NEK5: variants seen among roughly 807,000 people sequenced by gnomAD.
NEK5 encodes serine/threonine-protein kinase Nek5.
NEK5 carries 88 observed loss-of-function variants against 109.2 expected under a neutral mutation model. That is an observed-to-expected ratio of 0.81 (90% CI 0.68 to 0.96). NEK5 has a LOEUF of 0.96. Ranked by LOEUF, NEK5 falls within the 40% of genes least tolerant of loss-of-function variation. The probability of loss-of-function intolerance (pLI) is 0.00; values close to 1 mark genes in which losing one functional copy is unlikely to be tolerated. For missense variants in NEK5, 834 were observed against 920.7 expected (o/e 0.91, Z 1.22); for synonymous variants, 283 against 299.9 (o/e 0.94, Z 0.58).
chr13:52,115,780 A>C (rs910487770), intron 4 of NEK5, among the ~76,000 whole-genome samples: 1 of 152,100 alleles, frequency 6.6e-6, no homozygotes, highest in Non-Finnish European at 1.5e-5. Context: ...GATCACTGAC[A>C]CTTCAAAACA....
intron 17 of NEK5, among the ~76,000 whole-genome samples, chr13:52,080,874 C>A (rs1954996870): frequency 1.4e-5 from 2 of 138,224 alleles, no homozygotes; most frequent in African/African-American, 2.6e-5. Flanking sequence ...CGAGAAACAC[C>A]CAAGAATGAT....
At chr13:52,063,870 C>T (rs1224725452) in intron 21 of NEK5, among the ~76,000 whole-genome samples, 16 of 151,400 alleles carry the variant, frequency 1.1e-4, no homozygotes, top group African/African-American at 3.4e-4. Flanking sequence ...GGAGCGTCTC[C>T]GCCCGGCAGC....
intron 7 of NEK5, among the ~76,000 whole-genome samples, chr13:52,109,622 T>C (rs1217826380): frequency 6.6e-6 from 1 of 152,078 alleles, no homozygotes; most frequent in African/African-American, 2.4e-5. Flanking sequence ...AGAGGAAATA[T>C]TTACAATCTA....
At chr13:52,041,728 CAAAAAAAAAAA>C (rs60216367) in intron 23 of NEK5, among the ~76,000 whole-genome samples, 4 of 48,120 alleles carry the variant, frequency 8.3e-5, no homozygotes, top group Admixed American at 3.2e-4. Flanking sequence ...AACTCTGTCT[CAAAAAAAAAAA>C]AAAAAAAAAA....
chr13:52,057,721 T>C (rs1201987178), intron 22 of NEK5, among the ~76,000 whole-genome samples: 3 of 151,890 alleles, frequency 2.0e-5, no homozygotes, highest in Middle Eastern at 3.2e-3. Context: ...TCTCAATAGA[T>C]GCAGAAAAGG....
intron 22 of NEK5, among the ~76,000 whole-genome samples, chr13:52,059,425 A>G (rs1954591453): frequency 8.3e-6 from 1 of 120,304 alleles, no homozygotes; most frequent in Non-Finnish European, 1.7e-5. Context: ...AACTGGAAAT[A>G]CCATTTGACC....
intron 11 of NEK5, among the ~76,000 whole-genome samples, chr13:52,100,365 G>A (rs948742691): frequency 6.6e-6 from 1 of 152,076 alleles, no homozygotes; most frequent in Non-Finnish European, 1.5e-5. Context: ...GAGTTCATGC[G>A]ATTCTTGTGC....
intron 22 of NEK5, among the ~76,000 whole-genome samples, chr13:52,053,831 A>G (rs1954529240): frequency 6.6e-6 from 1 of 152,244 alleles, no homozygotes; most frequent in Non-Finnish European, 1.5e-5. Context: ...TTATTAAGGC[A>G]GGAGCCTGAA....
chr13:52,055,251 A>C (rs1484266617), intron 22 of NEK5, among the ~76,000 whole-genome samples: 1 of 152,198 alleles, frequency 6.6e-6, no homozygotes, highest in Non-Finnish European at 1.5e-5. Flanking sequence ...TTTAGAGAAA[A>C]AAGAATAAAA....
chr13:52,107,838 A>G (rs1468078383), intron 8 of NEK5, among the ~76,000 whole-genome samples: 1 of 152,184 alleles, frequency 6.6e-6, no homozygotes, highest in Non-Finnish European at 1.5e-5. Context: ...ATTTAGCAGG[A>G]GACAAAATAA....
Position 52,035,416 on chromosome 13 carries a change from A to ACTT in NEK5, c.*1529_*1531dup, listed in dbSNP as rs1185432282. 6.6e-6 allele frequency: 1 copy of ACTT among 152,172 alleles called. No homozygotes were observed. Among genetic ancestry groups the ACTT allele is most frequent in the Admixed American group, 6.5e-5 (1 of 15,280 alleles). 9.4% of individuals were successfully genotyped at this position (152,172 alleles called of 1,614,324 possible). A position where few individuals can be genotyped will look rare whatever the true frequency, so the allele number is the denominator to read the frequency against. ...TAACAGTGTATCGGTGAGACATTTT[A>ACTT]CTTTTATTATAAAGCAGATATTTCA... is the stretch of plus-strand genomic sequence containing the variant. On this transcript the variant is annotated 3_prime_UTR_variant, in exon 24 of 24. Coordinates refer to ENST00000684899, the MANE Select transcript of NEK5 (RefSeq NM_001365552.1).
intron 20 of NEK5, among the ~76,000 whole-genome samples, chr13:52,068,880 A>T (rs1215332663): frequency 6.6e-6 from 1 of 152,066 alleles, no homozygotes; most frequent in Non-Finnish European, 1.5e-5. Context: ...CTGAGGCAGG[A>T]GAATCGCTTG....
At position 52,065,658 on chromosome 13, in the gene NEK5, C is replaced by T. The variant is rs781312946; in HGVS notation, c.1850-49G>A. On this transcript the variant is annotated intron_variant, in intron 20 of 23. Transcript: ENST00000684899. Reference sequence around the variant, plus strand: ...TAATTCGAAAGCAGTCAAAGTGTGACTAATTGTCCCAAACACTTCTTAGGA... The same window carrying T: ...TAATTCGAAAGCAGTCAAAGTGTGATTAATTGTCCCAAACACTTCTTAGGA... 8.0e-6 allele frequency: 11 copies of T among 1,370,638 alleles called. No individual in the cohort carries two copies. The South Asian group carries it at 1.1e-4, about 13-fold the overall frequency. 84.9% of individuals were successfully genotyped at this position (1,370,638 alleles called of 1,614,324 possible).
chr13:52,116,198 T>C (rs926463413), intron 4 of NEK5, among the ~76,000 whole-genome samples: 1 of 97,402 alleles, frequency 1.0e-5, no homozygotes, highest in Admixed American at 1.0e-4. Context: ...AAAAAAAAAA[T>C]CAAGATTGTT....
In NEK5 at chr13:52,050,175, C is replaced by T. The variant is rs1954491961; in HGVS notation, c.2157G>A (p.Gly719=). Residue 719 remains glycine, a synonymous_variant, in exon 23 of 24, where the codon GGG becomes GGA. Transcript: ENST00000684899. ...CAATGCCAGAGACCATTTCTACCTTCCCTTCATCTTCTTCTTTGGGTAGCC... is the reference window on the plus strand; with the variant it reads ...CAATGCCAGAGACCATTTCTACCTTTCCTTCATCTTCTTCTTTGGGTAGCC... ...KQWLPKEEDE[G]KVEMVSGIEV... The T allele has an allele frequency of 1.0e-6, 1 of 985,634 alleles. No homozygotes were observed. Among genetic ancestry groups the T allele is most frequent in the Non-Finnish European group, 1.2e-6 (1 of 829,822 alleles). 61.1% of individuals were successfully genotyped at this position (985,634 alleles called of 1,614,324 possible). A position where few individuals can be genotyped will look rare whatever the true frequency, so the allele number is the denominator to read the frequency against.
At chr13:52,046,482 A>T (rs983463791) in intron 23 of NEK5, among the ~76,000 whole-genome samples, 1 of 113,874 alleles carries the variant, frequency 8.8e-6, no homozygotes, top group Non-Finnish European at 2.0e-5. Context: ...CTGTATGTTT[A>T]AAAAAAAAAA....
In NEK5 at chr13:52,076,068, C is replaced by T. The variant is rs1954863663; in HGVS notation, c.1648G>A (p.Ala550Thr). Reference protein sequence around the residue: ...ESKNPEQKYKAKKGVKFEINL... With the variant: ...ESKNPEQKYKTKKGVKFEINL... ...AAGACAAAAGTATTTCTTACCTTAG[C>T]TTTATATTTCTGTTCTGGATTTTTA... Residue 550 changes from alanine (A) to threonine (T), a missense_variant, in exon 18 of 24, where the codon GCT (alanine) becomes ACT (threonine). By Grantham distance (58) the Ala-to-Thr change is moderately conservative. This residue lies in a region of NEK5 where 777 missense variants were observed against 824.7 expected (regional missense o/e 0.94). Coordinates refer to ENST00000684899, the MANE Select transcript of NEK5 (RefSeq NM_001365552.1). The T allele has an allele frequency of 6.3e-7, 1 of 1,581,238 alleles. No homozygotes were observed. The highest frequency in any genetic ancestry group is 1.7e-4 in the Middle Eastern group (1 of 5,984).
At chr13:52,101,151 C>G (rs1219198868) in intron 11 of NEK5, among the ~76,000 whole-genome samples, 1 of 152,226 alleles carries the variant, frequency 6.6e-6, no homozygotes, top group African/African-American at 2.4e-5. Flanking sequence ...GTAATCCCAG[C>G]ACTTTGGGAG....
In NEK5 at chr13:52,086,282, G is replaced by C. The variant is rs377539630; in HGVS notation, c.1474C>G (p.Pro492Ala). ...KEIRKKMGRE[P>A]EENSKISHKT... ...CCCTAGAAGAATGAATTTACCTCTG[G>C]TTCTCTCCCCATCTTCTTTCTAATT... The change falls in exon 16 of 24, where the codon CCA becomes GCA. Residue 492 changes from proline (P) to alanine (A), a missense_variant. Physicochemically the swap from Pro to Ala is conservative, Grantham distance 27. Transcript: ENST00000684899. 6.3e-7 allele frequency: 1 copy of C among 1,591,540 alleles called. No individual in the cohort carries two copies. Among genetic ancestry groups the C allele is most frequent in the Non-Finnish European group, 8.6e-7 (1 of 1,159,490 alleles).
Sources: allele counts gnomAD v4.1 joint callset (sites outside exome capture counted in the v4.1 genomes callset), GRCh38; gene constraint gnomAD v4.1.1; regional missense constraint gnomAD v4.1.1; transcripts MANE v1.5; gene names NCBI Gene and HGNC (gene_info 2026-07-23, HGNC 2026-07-21).